Variants in NTM observed in about 807,000 individuals in gnomAD.
NTM encodes the protein IgLON family member 2.
A neutral mutation model predicts 42.1 loss-of-function variants in NTM; 13 were observed. That is an observed-to-expected ratio of 0.31 (90% CI 0.20 to 0.49). NTM has a LOEUF of 0.49. NTM is among the 20% of genes least tolerant of loss of function. The pLI is 0.99. For missense variants in NTM, 373 were observed against 452.8 expected (o/e 0.82, Z 1.60); for synonymous variants, 187 against 179.2 (o/e 1.04, Z -0.35).
chr11:132,313,050 C>T (rs1006050611), intron 6 of NTM, among the ~76,000 whole-genome samples: 6 of 152,116 alleles, frequency 3.9e-5, no homozygotes, highest in African/African-American at 9.7e-5. Context: ...GTGAGAACTC[C>T]GGCCAGAACC....
intron 1 of NTM, among the ~76,000 whole-genome samples, chr11:131,628,705 CT>C (rs1205446661): frequency 6.6e-6 from 1 of 152,214 alleles, no homozygotes; most frequent in Non-Finnish European, 1.5e-5. Context: ...TTGGTGGTGC[CT>C]CCAGACCAAG....
chr11:131,504,723 G>T (rs2047270003), intron 1 of NTM, among the ~76,000 whole-genome samples: 1 of 152,032 alleles, frequency 6.6e-6, no homozygotes, highest in Non-Finnish European at 1.5e-5. Context: ...GCCCTCACAT[G>T]TCTGTCAGCT....
At chr11:131,909,555 T>G (rs1192132063) in intron 1 of NTM, 1 of 152,120 alleles carries the variant, frequency 6.6e-6, no homozygotes, top group African/African-American at 2.4e-5. Flanking sequence ...CCAAGGAGAA[T>G]GTGGGTCAGG....
At chr11:132,313,715 C>G (rs921318917) in intron 6 of NTM, among the ~76,000 whole-genome samples, 3 of 152,124 alleles carry the variant, frequency 2.0e-5, no homozygotes, top group African/African-American at 7.2e-5. Flanking sequence ...TCTCCTTACC[C>G]TTTTATCTGC....
At chr11:132,010,938 T>C (rs2072034782) in intron 2 of NTM, among the ~76,000 whole-genome samples, 1 of 151,816 alleles carries the variant, frequency 6.6e-6, no homozygotes, top group Admixed American at 6.6e-5. Context: ...CTTATCTGTG[T>C]ATAACCACTA....
At chr11:131,815,727 G>T (rs1442512026) in intron 1 of NTM, among the ~76,000 whole-genome samples, 1 of 152,090 alleles carries the variant, frequency 6.6e-6, no homozygotes, top group Non-Finnish European at 1.5e-5. Flanking sequence ...GCCTAAATTG[G>T]GATATTTTCC....
chr11:131,462,878 C>T (rs1425631405), intron 1 of NTM, among the ~76,000 whole-genome samples: 1 of 135,438 alleles, frequency 7.4e-6, no homozygotes, highest in Admixed American at 7.2e-5. Flanking sequence ...TCCACCATGG[C>T]TTGTGCCTCC....
chr11:131,656,914 G>C (rs1178739769), intron 1 of NTM, among the ~76,000 whole-genome samples: 1 of 152,038 alleles, frequency 6.6e-6, no homozygotes, highest in Admixed American at 6.5e-5. Flanking sequence ...TTTTAAGTTT[G>C]ACCGAGTCAT....
chr11:131,448,926 C>T (rs1179162278), intron 1 of NTM, among the ~76,000 whole-genome samples: 6 of 152,166 alleles, frequency 3.9e-5, no homozygotes, highest in East Asian at 1.9e-4. Flanking sequence ...CTCTAAAGCC[C>T]CTGCTTCTGT....
intron 2 of NTM, among the ~76,000 whole-genome samples, chr11:132,038,597 T>G (rs2076793854): frequency 1.3e-5 from 2 of 152,148 alleles, no homozygotes; most frequent in East Asian, 3.9e-4. Flanking sequence ...GTGTGTAGCG[T>G]TTAGCACATT....
intron 1 of NTM, among the ~76,000 whole-genome samples, chr11:131,861,786 C>T (rs925473139): frequency 6.6e-6 from 1 of 152,180 alleles, no homozygotes; most frequent in Non-Finnish European, 1.5e-5. Flanking sequence ...GTAGGCCACA[C>T]AGCAGCTTGC....
At chr11:132,252,480 G>A (rs1374972854) in intron 4 of NTM, among the ~76,000 whole-genome samples, 1 of 152,124 alleles carries the variant, frequency 6.6e-6, no homozygotes, top group Non-Finnish European at 1.5e-5. Flanking sequence ...ATTCTGTGGG[G>A]CATATGGCAG....
chr11:131,670,821 G>T (rs1195729768), intron 1 of NTM, among the ~76,000 whole-genome samples: 1 of 152,278 alleles, frequency 6.6e-6, no homozygotes, highest in African/African-American at 2.4e-5. Context: ...CTCTGATGCT[G>T]CCCGGCGAGG....
chr11:132,104,584 C>CA (rs911161105), intron 2 of NTM, among the ~76,000 whole-genome samples: 28 of 138,662 alleles, frequency 2.0e-4, no homozygotes, highest in Non-Finnish European at 2.1e-4. Context: ...GGACCCCCCC[C>CA]CACCAAAAAT....
rs548327516 is a variant in NTM, at chr11:131,814,331, C to T, written c.83-97233C>T. Among the ~76,000 whole-genome samples the T allele has an allele frequency of 3.9e-5, 6 of 152,240 alleles. No homozygotes were observed. The South Asian group carries it at 6.2e-4, about 16-fold the overall frequency. On this transcript the variant is annotated intron_variant, in intron 1 of 8. Coordinates refer to ENST00000683400, the MANE Select transcript of NTM (RefSeq NM_001352005.2). ...TTCCCCTTCCAGATCATTAACAAAG[C>T]GGCTCTGAAAGCCCACACCTGGCAC... is the stretch of plus-strand genomic sequence containing the variant.
chr11:132,235,337 G>A (rs1003149268), intron 4 of NTM, among the ~76,000 whole-genome samples: 1 of 151,952 alleles, frequency 6.6e-6, no homozygotes, highest in Non-Finnish European at 1.5e-5. Context: ...TGTGGGTGTG[G>A]GTGTGTGTGC....
intron 1 of NTM, among the ~76,000 whole-genome samples, chr11:131,487,943 A>G (rs1954362364): frequency 6.6e-6 from 1 of 152,212 alleles, no homozygotes; most frequent in Non-Finnish European, 1.5e-5. Flanking sequence ...AGAAGGTGAT[A>G]GAGTTGGTGG....
At position 131,378,497 on chromosome 11, in the gene NTM, G is replaced by A. The variant is rs923613482; in HGVS notation, c.82+7609G>A. ...CAGAACATGTAAATGGTGTGTGTGC[G>A]TGCAAACTCTACGTGCTATCTCATA... On this transcript the variant is annotated intron_variant, in intron 1 of 8. Transcript: ENST00000683400. 7.2e-5 allele frequency among the ~76,000 whole-genome samples: 11 copies of A among 152,282 alleles called. No individual in the cohort carries two copies. In the South Asian group the frequency reaches 1.5e-3, roughly 20 times the overall value.
intron 1 of NTM, among the ~76,000 whole-genome samples, chr11:131,514,778 GT>G (rs1458230052): frequency 1.3e-5 from 2 of 151,958 alleles, no homozygotes; most frequent in Admixed American, 1.3e-4. Context: ...TTTTGTAGAG[GT>G]GGGGTTTCTC....
Sources: gnomAD v4.1 joint callset for allele counts (sites outside exome capture counted in the v4.1 genomes callset) on GRCh38, gnomAD v4.1.1 for gene constraint, MANE v1.5 for transcripts, NCBI Gene and HGNC (gene_info 2026-07-23, HGNC 2026-07-21) for gene names.